Variants in VWC2L observed in about 807,000 individuals in gnomAD.
VWC2L encodes von Willebrand factor C domain containing 2 like.
VWC2L carries 10 observed loss-of-function variants against 21.6 expected under a neutral mutation model. The ratio of observed to expected loss-of-function variants is 0.46; its 90% CI spans 0.29 to 0.78. VWC2L has a LOEUF of 0.78. Ranked by LOEUF, VWC2L falls within the 30% of genes least tolerant of loss-of-function variation. VWC2L has a pLI of 0.10. For missense variants in VWC2L, 209 were observed against 277.1 expected (o/e 0.75, Z 1.74); for synonymous variants, 96 against 94.3 (o/e 1.02, Z -0.10).
rs371059955 is a variant in VWC2L, at chr2:214,527,039, C to T, written c.521-48633C>T. Among the ~76,000 whole-genome samples the T allele has an allele frequency of 1.4e-4, 22 of 152,134 alleles. No homozygotes were observed. The South Asian group carries it at 2.5e-3, about 17-fold the overall frequency. On this transcript the variant is annotated intron_variant, in intron 3 of 3. Transcript: ENST00000312504. ...TGGTTCCGTGGTAGAAAATATGGCA[C>T]GTATACACCATAGAATACTACACAG...
intron 3 of VWC2L, among the ~76,000 whole-genome samples, chr2:214,556,390 A>T (rs949730657): frequency 6.6e-6 from 1 of 152,254 alleles, no homozygotes; most frequent in Non-Finnish European, 1.5e-5. Context: ...TGGCAAATTT[A>T]CAGCCTTAAA....
intron 3 of VWC2L, among the ~76,000 whole-genome samples, chr2:214,451,308 T>TGCG (rs1553586388): frequency 6.2e-5 from 7 of 112,020 alleles, no homozygotes; most frequent in African/African-American, 1.8e-4. Flanking sequence ...TGGGTCGGTG[T>TGCG]GGGGGGGGGG....
At chr2:214,434,821 A>C (rs1428404900) in intron 2 of VWC2L, among the ~76,000 whole-genome samples, 25 of 152,290 alleles carry the variant, frequency 1.6e-4, no homozygotes, top group Non-Finnish European at 3.5e-4. Context: ...TTGCATTTGA[A>C]AATTTAGGAT....
At chr2:214,465,578 G>A (rs755617346) in intron 3 of VWC2L, among the ~76,000 whole-genome samples, 20 of 152,170 alleles carry the variant, frequency 1.3e-4, no homozygotes, top group Non-Finnish European at 2.6e-4. Flanking sequence ...GGACCTGTGA[G>A]CTGCTCTGTC....
chr2:214,505,367 T>C (rs1688953407), intron 3 of VWC2L, among the ~76,000 whole-genome samples: 1 of 152,228 alleles, frequency 6.6e-6, no homozygotes, highest in Non-Finnish European at 1.5e-5. Flanking sequence ...ATTTAAAGAA[T>C]ACTCCCCTGT....
At chr2:214,433,895 T>A (rs1386351323) in intron 2 of VWC2L, among the ~76,000 whole-genome samples, 2 of 152,120 alleles carry the variant, frequency 1.3e-5, no homozygotes, top group Non-Finnish European at 2.9e-5. Flanking sequence ...TACATTTGAT[T>A]GAGTGTTTAC....
chr2:214,527,506 A>G (rs1284983418), intron 3 of VWC2L, among the ~76,000 whole-genome samples: 3 of 152,092 alleles, frequency 2.0e-5, no homozygotes, highest in African/African-American at 4.8e-5. Flanking sequence ...TGGCCTCTTA[A>G]CTCACACCAC....
At chr2:214,458,788 G>A (rs765804838) in intron 3 of VWC2L, among the ~76,000 whole-genome samples, 4 of 152,070 alleles carry the variant, frequency 2.6e-5, no homozygotes, top group Non-Finnish European at 4.4e-5. Context: ...AAGTTACTTG[G>A]TATAATTTTG....
In VWC2L at chr2:214,428,095, A is replaced by G. The variant is rs140582889; in HGVS notation, c.391-8534A>G. Among the ~76,000 whole-genome samples, 417 of 152,352 alleles carry G rather than the reference A, an allele frequency of 2.7e-3. 2 individuals are homozygous for G. The highest frequency in any genetic ancestry group is 9.5e-3 in the African/African-American group (397 of 41,596). On this transcript the variant is annotated intron_variant, in intron 2 of 3. Coordinates refer to ENST00000312504, the MANE Select transcript of VWC2L (RefSeq NM_001080500.4). ...ATGCTCCCTTGAGGAATACACAGCCATTGCAAATGGACGAAGAGTGGGGAA... is the reference window on the plus strand; with the variant it reads ...ATGCTCCCTTGAGGAATACACAGCCGTTGCAAATGGACGAAGAGTGGGGAA...
At chr2:214,435,874 C>T (rs1355108881) in intron 2 of VWC2L, among the ~76,000 whole-genome samples, 1 of 152,142 alleles carries the variant, frequency 6.6e-6, no homozygotes, top group Non-Finnish European at 1.5e-5. Flanking sequence ...AAATTCTAAA[C>T]ACTCTCGGCC....
At chr2:214,567,595 C>CAGAGAGAGAGAGAG (rs10528003) in intron 3 of VWC2L, among the ~76,000 whole-genome samples, 12 of 135,294 alleles carry the variant, frequency 8.9e-5, no homozygotes, top group African/African-American at 2.2e-4. Flanking sequence ...CACACACACA[C>CAGAGAGAGAGAGAG]AGAGAGAGAG....
At chr2:214,460,836 GT>G (rs1052827743) in intron 3 of VWC2L, among the ~76,000 whole-genome samples, 5 of 151,928 alleles carry the variant, frequency 3.3e-5, no homozygotes, top group African/African-American at 1.2e-4. Context: ...GCTTTTTCAT[GT>G]TTTTTATGTC....
chr2:214,557,656 C>A (rs1158283590), intron 3 of VWC2L, among the ~76,000 whole-genome samples: 1 of 152,074 alleles, frequency 6.6e-6, no homozygotes, highest in African/African-American at 2.4e-5. Context: ...TTCCTTTTTT[C>A]ATCTTTTCTT....
intron 3 of VWC2L, among the ~76,000 whole-genome samples, chr2:214,452,805 GT>G (rs916435493): frequency 1.9e-4 from 29 of 152,108 alleles, no homozygotes; most frequent in Admixed American, 1.8e-3. Context: ...TTCTGTCATC[GT>G]GGTGTTAAGT....
At chr2:214,566,845 C>T (rs1262304059) in intron 3 of VWC2L, among the ~76,000 whole-genome samples, 1 of 152,138 alleles carries the variant, frequency 6.6e-6, no homozygotes, top group Non-Finnish European at 1.5e-5. Context: ...ATGAAAATGG[C>T]TACACCTGAT....
chr2:214,454,598 CTTTTT>C (rs34032234), intron 3 of VWC2L, among the ~76,000 whole-genome samples: 3 of 64,134 alleles, frequency 4.7e-5, no homozygotes, highest in African/African-American at 6.4e-5. Context: ...GATTGATTTT[CTTTTT>C]TTTTTTTTTT....
chr2:214,472,004 G>A (rs1703316116), intron 3 of VWC2L, among the ~76,000 whole-genome samples: 2 of 152,210 alleles, frequency 1.3e-5, no homozygotes, highest in South Asian at 4.1e-4. Flanking sequence ...TGTCTCTTCT[G>A]CATTTCTCTT....
rs191379726 is a variant in VWC2L, at chr2:214,477,376, T to C, written c.520+40618T>C. On this transcript the variant is annotated intron_variant, in intron 3 of 3. Coordinates refer to ENST00000312504, the MANE Select transcript of VWC2L (RefSeq NM_001080500.4). Reference sequence around the variant, plus strand: ...GCAAACCTTGAGAAATATGCAGAGGTTGTCCTTGGTTCAACTCAAATAGGA... The same window carrying C: ...GCAAACCTTGAGAAATATGCAGAGGCTGTCCTTGGTTCAACTCAAATAGGA... Among the ~76,000 whole-genome samples, 318 of 152,338 alleles carry C rather than the reference T, an allele frequency of 2.1e-3. 1 individual carries two copies. Among genetic ancestry groups the C allele is most frequent in the African/African-American group, 7.4e-3 (308 of 41,578 alleles).
chr2:214,437,312 G>C (rs1391942342), intron 3 of VWC2L, among the ~76,000 whole-genome samples: 1 of 152,128 alleles, frequency 6.6e-6, no homozygotes, highest in Non-Finnish European at 1.5e-5. Flanking sequence ...TGCTCTCACA[G>C]TAACTGCTAT....
Sources: allele counts gnomAD v4.1 joint callset (sites outside exome capture counted in the v4.1 genomes callset), GRCh38; gene constraint gnomAD v4.1.1; transcripts MANE v1.5; gene names NCBI Gene and HGNC (gene_info 2026-07-23, HGNC 2026-07-21).